The following FBXL7 variants were observed in gnomAD, a reference collection of about 807,000 sequenced individuals.
FBXL7 encodes F-box and leucine rich repeat protein 7.
In FBXL7, 12 loss-of-function variants were observed where a neutral mutation model predicts 38.3. That is an observed-to-expected ratio of 0.31 (90% CI 0.20 to 0.51). FBXL7 has a LOEUF of 0.51. Among genes scored for constraint, FBXL7 ranks in the 20% least tolerant of loss-of-function variants. FBXL7 has a pLI of 0.98. For synonymous variants in FBXL7, 297 were observed against 300.9 expected (o/e 0.99, Z 0.13); for missense variants, 567 against 676.4 (o/e 0.84, Z 1.79).
At chr5:15,788,620 T>G (rs1579463038) in intron 2 of FBXL7, among the ~76,000 whole-genome samples, 1 of 152,126 alleles carries the variant, frequency 6.6e-6, no homozygotes, top group Non-Finnish European at 1.5e-5. Flanking sequence ...TGCCCTTTGC[T>G]GGAAACATCA....
At chr5:15,541,405 T>A (rs1261280440) in intron 1 of FBXL7, among the ~76,000 whole-genome samples, 1 of 132,200 alleles carries the variant, frequency 7.6e-6, no homozygotes, top group East Asian at 2.1e-4. Context: ...TCCATATATA[T>A]GTGTATATAT....
intron 2 of FBXL7, among the ~76,000 whole-genome samples, chr5:15,842,892 TA>T (rs1434273320): frequency 2.0e-5 from 3 of 152,200 alleles, no homozygotes; most frequent in African/African-American, 7.2e-5. Flanking sequence ...CAGTCTTGAT[TA>T]TGTCTTTTTT....
At chr5:15,863,582 G>A (rs923915261) in intron 2 of FBXL7, among the ~76,000 whole-genome samples, 1 of 152,064 alleles carries the variant, frequency 6.6e-6, no homozygotes, top group African/African-American at 2.4e-5. Flanking sequence ...TGTCTCTTAT[G>A]GTTTGGATAT....
At chr5:15,894,519 T>C (rs1741033237) in intron 2 of FBXL7, among the ~76,000 whole-genome samples, 1 of 152,234 alleles carries the variant, frequency 6.6e-6, no homozygotes, top group Non-Finnish European at 1.5e-5. Flanking sequence ...ATAAGAACTA[T>C]GGAGAAGTTA....
At chr5:15,651,088 C>CTTTTTTTTTTTTTTTTTTTTTTT (rs547135923) in intron 2 of FBXL7, among the ~76,000 whole-genome samples, 1 of 142,142 alleles carries the variant, frequency 7.0e-6, no homozygotes, top group Non-Finnish European at 1.5e-5. Flanking sequence ...AAACATACTT[C>CTTTTTTTTTTTTTTTTTTTTTTT]TTTTTTTTTT....
At chr5:15,876,973 G>A (rs985265079) in intron 2 of FBXL7, among the ~76,000 whole-genome samples, 1 of 152,170 alleles carries the variant, frequency 6.6e-6, no homozygotes, top group Non-Finnish European at 1.5e-5. Context: ...AGTTTTGTAT[G>A]TCAAAGAGCA....
At position 15,806,738 on chromosome 5, in the gene FBXL7, G is replaced by A. The variant is rs147009704; in HGVS notation, c.128-121152G>A. On this transcript the variant is annotated intron_variant, in intron 2 of 3. Transcript: ENST00000504595. ...GGCCCAATCAGGGACTGATGAATGCGCCACAGGAGACAGGGGGCCCACGTA... is the reference window on the plus strand; with the variant it reads ...GGCCCAATCAGGGACTGATGAATGCACCACAGGAGACAGGGGGCCCACGTA... Among the ~76,000 whole-genome samples, 33 of 152,238 alleles carry A rather than the reference G, an allele frequency of 2.2e-4. No homozygotes were observed. In the South Asian group the frequency reaches 2.5e-3, roughly 11 times the overall value.
At chr5:15,861,512 G>C (rs1739470805) in intron 2 of FBXL7, among the ~76,000 whole-genome samples, 1 of 152,158 alleles carries the variant, frequency 6.6e-6, no homozygotes, top group Non-Finnish European at 1.5e-5. Flanking sequence ...GACTCAGTGG[G>C]AAACTACACT....
intron 2 of FBXL7, among the ~76,000 whole-genome samples, chr5:15,812,003 T>C (rs1218188003): frequency 6.6e-6 from 1 of 152,112 alleles, no homozygotes; most frequent in Non-Finnish European, 1.5e-5. Flanking sequence ...ACCCAAAGGA[T>C]TATAAATCAT....
chr5:15,681,830 G>A (rs138256418), intron 2 of FBXL7, among the ~76,000 whole-genome samples: 6 of 152,260 alleles, frequency 3.9e-5, no homozygotes, highest in East Asian at 3.9e-4. Flanking sequence ...ATAGGAATAC[G>A]TCAAATAAGA....
At chr5:15,720,005 C>T (rs1744150384) in intron 2 of FBXL7, among the ~76,000 whole-genome samples, 1 of 149,018 alleles carries the variant, frequency 6.7e-6, no homozygotes, top group Non-Finnish European at 1.5e-5. Context: ...GTCTGTTCAA[C>T]AAGATCACCA....
chr5:15,627,874 A>G (rs1740870492), intron 2 of FBXL7, among the ~76,000 whole-genome samples: 2 of 152,354 alleles, frequency 1.3e-5, no homozygotes, highest in East Asian at 3.9e-4. Context: ...TGGATAAACT[A>G]ACTTCCTGAG....
chr5:15,791,356 C>G (rs1202126993), intron 2 of FBXL7, among the ~76,000 whole-genome samples: 1 of 152,166 alleles, frequency 6.6e-6, no homozygotes, highest in Non-Finnish European at 1.5e-5. Flanking sequence ...TCTTCTCTCC[C>G]TGAAGAACTT....
chr5:15,880,720 A>ATT (rs1184582740), intron 2 of FBXL7, among the ~76,000 whole-genome samples: 527 of 32,524 alleles, frequency 0.016, 1 homozygote, highest in African/African-American at 0.059. Flanking sequence ...TATATACTAT[A>ATT]TTATATATAT....
chr5:15,621,074 C>G (rs1412225457), intron 2 of FBXL7, among the ~76,000 whole-genome samples: 1 of 152,186 alleles, frequency 6.6e-6, no homozygotes, highest in African/African-American at 2.4e-5. Flanking sequence ...GGTTTTAATT[C>G]ATGAGAGAAT....
chr5:15,592,226 G>T (rs1739501049), intron 1 of FBXL7, among the ~76,000 whole-genome samples: 1 of 152,106 alleles, frequency 6.6e-6, no homozygotes, highest in Non-Finnish European at 1.5e-5. Flanking sequence ...CCTTCTATCT[G>T]TCCATCCTCT....
At chr5:15,649,143 T>C (rs1203938864) in intron 2 of FBXL7, among the ~76,000 whole-genome samples, 1 of 152,054 alleles carries the variant, frequency 6.6e-6, no homozygotes, top group African/African-American at 2.4e-5. Context: ...ACTACAGGCA[T>C]AAGCCACCAC....
chr5:15,577,594 TTGTG>T (rs34405217), intron 1 of FBXL7, among the ~76,000 whole-genome samples: 2,521 of 147,522 alleles, frequency 0.017, 27 homozygotes, highest in East Asian at 0.042. Flanking sequence ...GTAATGCATT[TTGTG>T]TGTGTGTGTG....
intron 2 of FBXL7, among the ~76,000 whole-genome samples, chr5:15,668,000 C>A (rs898581921): frequency 6.6e-6 from 1 of 152,132 alleles, no homozygotes; most frequent in Admixed American, 6.6e-5. Flanking sequence ...GTTAAGTGAG[C>A]ACAGTATGCA....
Sources: allele counts gnomAD v4.1 joint callset (sites outside exome capture counted in the v4.1 genomes callset), GRCh38; gene constraint gnomAD v4.1.1; transcripts MANE v1.5; gene names NCBI Gene and HGNC (gene_info 2026-07-23, HGNC 2026-07-21).